LAMA4: variants seen among roughly 807,000 people sequenced by gnomAD.
LAMA4 encodes laminin subunit alpha-4.
Under a neutral mutation model 207.1 loss-of-function variants are expected in LAMA4, and 127 were observed. The observed-to-expected ratio is 0.61, with a 90% CI of 0.53 to 0.71. The LOEUF is 0.71. Ranked by LOEUF, LAMA4 falls within the 30% of genes least tolerant of loss-of-function variation. LAMA4 has a pLI of 0.00. For synonymous variants in LAMA4, 761 were observed against 816.0 expected (o/e 0.93, Z 1.15); for missense variants, 2,093 against 2,246.5 (o/e 0.93, Z 1.38).
At chr6:112,136,102 C>A (rs782715790) in intron 25 of LAMA4, 21 bp downstream of exon 25, 12 of 1,608,346 alleles carry the variant, frequency 7.5e-6, no homozygotes, top group Non-Finnish European at 1.0e-5. Context: ...ACAAAACCAA[C>A]CAAACTACAA....
In LAMA4 at chr6:112,189,181, C is replaced by A; in HGVS notation, c.743G>T (p.Cys248Phe). The stretch of plus-strand genomic sequence containing the variant: ...CAAGCATTCTCCGGTTACACTGTCA[C>A]ATGGGCCTCCCCCGCAGTTGCACAC... ...CAVCNCGGGPCDSVTGECLEE... is the reference protein window; with the variant it reads ...CAVCNCGGGPFDSVTGECLEE... The change falls in exon 7 of 39, where the codon TGT becomes TTT. Residue 248 changes from cysteine to phenylalanine, a missense_variant. By Grantham distance (205) the Cys-to-Phe change is radical (BLOSUM62 -2). Around this residue, in one of 3 missense-constraint regions of LAMA4, gnomAD observed 1,704 missense variants for 1,788.4 expected, o/e 0.95. Transcript: ENST00000230538. 1 of 1,614,072 alleles carries A rather than the reference C, an allele frequency of 6.2e-7. No homozygotes were observed. The highest frequency in any genetic ancestry group is 1.3e-5 in the African/African-American group (1 of 75,056).
At chr6:112,239,898 C>T (rs1786261981) in intron 2 of LAMA4, among the ~76,000 whole-genome samples, 1 of 151,974 alleles carries the variant, frequency 6.6e-6, no homozygotes, top group South Asian at 2.1e-4. Flanking sequence ...CCCGTCTCTA[C>T]TAAAAACACA....
At chr6:112,159,652 G>T (rs1449059859) in intron 13 of LAMA4, 1 of 152,404 alleles carries the variant, frequency 6.6e-6, no homozygotes, top group Non-Finnish European at 1.5e-5. Context: ...CCATCTGATT[G>T]TAAACAGATC....
At chr6:112,201,521 G>A in intron 5 of LAMA4, 87 bp downstream of exon 5, 1 of 1,087,952 alleles carries the variant, frequency 9.2e-7, no homozygotes, top group Non-Finnish European at 1.4e-6. Flanking sequence ...AGGACCCACT[G>A]AATGGGAGTA....
intron 29 of LAMA4, 193 bp from the exon 30 acceptor site, chr6:112,130,233 C>A: frequency 3.4e-6 from 2 of 589,420 alleles, no homozygotes; most frequent in South Asian, 2.0e-5. Flanking sequence ...AAAAGATCCT[C>A]CAAACCAAGA....
chr6:112,235,855 G>T (rs1396585926), intron 2 of LAMA4, among the ~76,000 whole-genome samples: 1 of 152,146 alleles, frequency 6.6e-6, no homozygotes. Flanking sequence ...GGCAAAAAAT[G>T]CTTGAAATGA....
At chr6:112,165,398 T>G in intron 12 of LAMA4, 122 bp from the exon 13 acceptor site, 1 of 749,030 alleles carries the variant, frequency 1.3e-6, no homozygotes, top group East Asian at 2.5e-5. Context: ...ATATCCCAGC[T>G]CCATCCTTGC....
intron 12 of LAMA4, among the ~76,000 whole-genome samples, chr6:112,169,728 C>T (rs1163188166): frequency 6.6e-6 from 1 of 152,190 alleles, no homozygotes; most frequent in Non-Finnish European, 1.5e-5. Flanking sequence ...TTAAAATGAG[C>T]ACTACCATCT....
chr6:112,189,621 G>A (rs993247899), intron 6 of LAMA4, among the ~76,000 whole-genome samples: 5 of 152,142 alleles, frequency 3.3e-5, no homozygotes, highest in African/African-American at 4.8e-5. Context: ...TAACTCGGGG[G>A]TTGATCATTG....
In LAMA4 at chr6:112,108,938, A is replaced by G. The variant is rs1414420346; in HGVS notation, c.*499T>C. 1 of 163,426 alleles carries G rather than the reference A, an allele frequency of 6.1e-6. No homozygotes were observed. The highest frequency in any genetic ancestry group is 1.3e-5 in the Non-Finnish European group (1 of 74,576). 10.1% of individuals were successfully genotyped at this position (163,426 alleles called of 1,614,324 possible). Reference sequence around the variant, plus strand: ...TATAAACCTAAAATATTCTTCTTATACTGATAGACCAAACAAAAGGGCTAA... The same window carrying G: ...TATAAACCTAAAATATTCTTCTTATGCTGATAGACCAAACAAAAGGGCTAA... On this transcript the variant is annotated 3_prime_UTR_variant, in exon 39 of 39. Coordinates refer to ENST00000230538, the MANE Select transcript of LAMA4 (RefSeq NM_001105206.3).
intron 18 of LAMA4, among the ~76,000 whole-genome samples, chr6:112,147,931 C>T (rs191401537): frequency 4.8e-4 from 73 of 152,246 alleles, no homozygotes; most frequent in African/African-American, 1.6e-3. Flanking sequence ...CTTTACCAAT[C>T]CATCTAGTGT....
chr6:112,183,794 T>C (rs1267646636), intron 9 of LAMA4, among the ~76,000 whole-genome samples: 1 of 151,146 alleles, frequency 6.6e-6, no homozygotes, highest in African/African-American at 2.4e-5. Flanking sequence ...TTACTAAAAA[T>C]ACAAAAATTA....
At chr6:112,153,570 A>G (rs1780523227) in intron 16 of LAMA4, among the ~76,000 whole-genome samples, 1 of 152,158 alleles carries the variant, frequency 6.6e-6, no homozygotes, top group African/African-American at 2.4e-5. Flanking sequence ...TCAATAACTC[A>G]ATAATGACAA....
In LAMA4 at chr6:112,136,224, C is replaced by T. The variant is rs1554331537; in HGVS notation, c.3313G>A (p.Gly1105Ser). ...AAATCATAGAACACATGTAGGTAACCATTGCGCATTTCCAGTCTGAAAAAC... is the reference window on the plus strand; with the variant it reads ...AAATCATAGAACACATGTAGGTAACTATTGCGCATTTCCAGTCTGAAAAAC... Reference protein sequence around the residue: ...SMFFRLEMRNGYLHVFYDFGF... With the variant: ...SMFFRLEMRNSYLHVFYDFGF... The change falls in exon 25 of 39, where the codon GGT becomes AGT. Residue 1105 changes from glycine to serine, a missense_variant. Coordinates refer to ENST00000230538, the MANE Select transcript of LAMA4 (RefSeq NM_001105206.3). 1.2e-6 allele frequency: 2 copies of T among 1,611,914 alleles called. No homozygotes were observed. The highest frequency in any genetic ancestry group is 8.5e-7 in the Non-Finnish European group (1 of 1,178,242).
chr6:112,219,818 T>C (rs1784826465), intron 2 of LAMA4, among the ~76,000 whole-genome samples: 1 of 152,186 alleles, frequency 6.6e-6, no homozygotes, highest in African/African-American at 2.4e-5. Flanking sequence ...CTTGTCTTTG[T>C]TTTACTGGTG....
chr6:112,251,987 A>T (rs1394516557), intron 2 of LAMA4, among the ~76,000 whole-genome samples: 1 of 152,250 alleles, frequency 6.6e-6, no homozygotes, highest in Non-Finnish European at 1.5e-5. Context: ...ATTAAGTAAA[A>T]GAAAACCATA....
chr6:112,216,038 G>C (rs1340890266), intron 3 of LAMA4, among the ~76,000 whole-genome samples: 1 of 152,266 alleles, frequency 6.6e-6, no homozygotes, highest in East Asian at 1.9e-4. Flanking sequence ...CAAACTATAC[G>C]ATTACAGAGG....
In LAMA4 at chr6:112,144,784, C is replaced by T; in HGVS notation, c.2493+10G>A. The T allele has an allele frequency of 1.2e-6, 2 of 1,612,750 alleles. No individual in the cohort carries two copies. The highest frequency in any genetic ancestry group is 1.7e-6 in the Non-Finnish European group (2 of 1,179,948). On this transcript the variant is annotated intron_variant, in intron 19 of 38. Transcript: ENST00000230538. ...CCGCTGACTGACTGATGAGTCTTTT[C>T]ATCAGTTACCTTGCTGGCAACACTT...
chr6:112,243,078 A>C (rs1583998848), intron 2 of LAMA4, among the ~76,000 whole-genome samples: 1 of 152,160 alleles, frequency 6.6e-6, no homozygotes, highest in East Asian at 1.9e-4. Context: ...TGGAGGGTCC[A>C]GATAGAGTAG....
Sources: gnomAD v4.1 joint callset for allele counts (sites outside exome capture counted in the v4.1 genomes callset) on GRCh38, gnomAD v4.1.1 for gene constraint, gnomAD v4.1.1 regional missense constraint, MANE v1.5 for transcripts, NCBI Gene and HGNC (gene_info 2026-07-23, HGNC 2026-07-21) for gene names.